The following ATP13A2 variants were observed in gnomAD, a reference collection of about 807,000 sequenced individuals.
ATP13A2 encodes ATPase cation transporting 13A2, also known as polyamine-transporting ATPase 13A2.
Under a neutral mutation model 138.3 loss-of-function variants are expected in ATP13A2, and 83 were observed. The observed-to-expected ratio is 0.60, with a 90% confidence interval of 0.50 to 0.72. The LOEUF is 0.72. Ranked by LOEUF, ATP13A2 falls within the 30% of genes least tolerant of loss-of-function variation. The pLI, the probability that ATP13A2 is intolerant of heterozygous loss-of-function variation, is 0.00. For missense variants in ATP13A2, 1,402 were observed against 1,606.4 expected (o/e 0.87, Z 2.17); for synonymous variants, 663 against 699.0 (o/e 0.95, Z 0.81).
intron 11 of ATP13A2, among the ~76,000 whole-genome samples, chr1:16,999,380 CAAAAAA>C (rs67969184): frequency 3.9e-4 from 22 of 56,158 alleles, no homozygotes; most frequent in Middle Eastern, 0.016. Flanking sequence ...AACTCCATCT[CAAAAAA>C]AAAAAAAAAA....
At position 16,995,438 on chromosome 1, in the gene ATP13A2, G is replaced by T; in HGVS notation, c.1542+538C>A. On this transcript the variant is annotated intron_variant, in intron 15 of 28. Coordinates refer to ENST00000326735, the MANE Select transcript of ATP13A2 (RefSeq NM_022089.4). This position sits in a 1 kb window ranked among gnomAD's most constrained non-coding sequence, Gnocchi z 4.1. ...GCCCCAAGGGTTGGGAGCAGCACGG[G>T]ATGCACACTAGGGCCCCAGGTCCCC... 3.9e-6 allele frequency: 1 copy of T among 259,276 alleles called. No individual in the cohort carries two copies. The highest frequency in any genetic ancestry group is 7.6e-6 in the Non-Finnish European group (1 of 132,324). 16.1% of individuals were successfully genotyped at this position (259,276 alleles called of 1,614,324 possible).
chr1:16,989,442 C>T (rs2076845632), intron 23 of ATP13A2, among the ~76,000 whole-genome samples: 1 of 152,194 alleles, frequency 6.6e-6, no homozygotes, highest in South Asian at 2.1e-4. Flanking sequence ...AACTCCTGGG[C>T]TCAAGTGATC....
At position 16,986,456 on chromosome 1, in the gene ATP13A2, G is replaced by A. The variant is rs758763354; in HGVS notation, c.3405+7C>T. ...CTCCCGCTGCTGAGACCCAGGGCGG[G>A]CCCCACCTCCAGCATGAAGGCCCCC... is the stretch of plus-strand genomic sequence containing the variant. On this transcript the variant is annotated splice_region_variant and intron_variant, in intron 28 of 28. Transcript: ENST00000326735. The surrounding 1 kb of genome is among the most constrained non-coding windows in gnomAD (Gnocchi z 6.9). The A allele has an allele frequency of 6.2e-7, 1 of 1,611,546 alleles. No individual in the cohort carries two copies. Among genetic ancestry groups the A allele is most frequent in the South Asian group, 1.1e-5 (1 of 91,082 alleles).
Position 17,011,679 on chromosome 1 carries a change from C to A in ATP13A2, c.10+50G>T. 2.0e-6 allele frequency: 3 copies of A among 1,477,884 alleles called. No individual in the cohort carries two copies. The highest frequency in any genetic ancestry group is 1.3e-5 in the South Asian group (1 of 78,086). 91.5% of individuals were successfully genotyped at this position (1,477,884 alleles called of 1,614,324 possible). A position where few individuals can be genotyped will look rare whatever the true frequency, so the allele number is the denominator to read the frequency against. ...CCCTCCAAGGGGTGACGACAACTGG[C>A]GGGCCGGGGACCGCGCCGGGCTCGG... On this transcript the variant is annotated intron_variant, in intron 1 of 28. Coordinates refer to ENST00000326735, the MANE Select transcript of ATP13A2 (RefSeq NM_022089.4). The surrounding 1 kb of genome is among the most constrained non-coding windows in gnomAD (Gnocchi z 7.3).
intron 25 of ATP13A2, 97 bp downstream of exon 25, chr1:16,988,041 G>A (rs932627118): frequency 2.5e-4 from 280 of 1,122,424 alleles, no homozygotes; most frequent in Non-Finnish European, 3.7e-4. Context: ...CTGGGCCCAC[G>A]TCATCTATTC....
intron 23 of ATP13A2, among the ~76,000 whole-genome samples, 156 bp from the exon 24 acceptor site, chr1:16,988,630 CATTATT>C (rs1223617661): frequency 2.6e-5 from 4 of 150,948 alleles, no homozygotes; most frequent in South Asian, 2.1e-4. Context: ...TTATTATTAT[CATTATT>C]ATTATTATTT....
Position 16,989,762 on chromosome 1 carries a change from G to A in ATP13A2, c.2538C>T (p.Val846=), listed in dbSNP as rs1365858933. 1 of 1,614,056 alleles carries A rather than the reference G, an allele frequency of 6.2e-7. No homozygotes were observed. Among genetic ancestry groups the A allele is most frequent in the Non-Finnish European group, 8.5e-7 (1 of 1,180,032 alleles). ...CCATGCGGGCAAAGACAGTGCCCTGGACCAGGACCTGGGAGCACAGGGAGA... is the reference window on the plus strand; with the variant it reads ...CCATGCGGGCAAAGACAGTGCCCTGAACCAGGACCTGGGAGCACAGGGAGA... The part of the protein sequence containing the change: ...HFPKLLPKVL[V]QGTVFARMAP... Residue 846 remains valine (V), a synonymous_variant, in exon 23 of 29, where the codon GTC becomes GTT. Coordinates refer to ENST00000326735, the MANE Select transcript of ATP13A2 (RefSeq NM_022089.4).
intron 12 of ATP13A2, 40 bp from the exon 13 acceptor site, chr1:16,996,536 G>A: frequency 1.3e-6 from 2 of 1,549,408 alleles, no homozygotes; most frequent in Admixed American, 1.7e-5. Context: ...GGAAGCCAGG[G>A]TGAGGGCAGG....
rs1236275703 is a variant in ATP13A2 at position 16,997,113 on chromosome 1, T to C, written c.1102A>G (p.Thr368Ala). The C allele has an allele frequency of 1.4e-5, 22 of 1,613,638 alleles. No individual in the cohort carries two copies. Among genetic ancestry groups the C allele is most frequent in the Non-Finnish European group, 1.9e-5 (22 of 1,180,040 alleles). ...PEGLGPYCAE[T>A]HRRHTLFCGT... ...CAGAAGAGTGTGTGCCGCCGGTGTG[T>C]CTCTGCACAGTAGGGCCCCAGCCCC... is the stretch of plus-strand genomic sequence containing the variant. The change falls in exon 12 of 29, where the codon ACA becomes GCA. Residue 368 changes from threonine (T) to alanine (A), a missense_variant. Transcript: ENST00000326735.
chr1:16,986,431 C>G lies in ATP13A2; in HGVS notation c.3405+32G>C. 6.2e-7 allele frequency: 1 copy of G among 1,609,204 alleles called. No individual in the cohort carries two copies. Among genetic ancestry groups the G allele is most frequent in the Non-Finnish European group, 8.5e-7 (1 of 1,179,242 alleles). ...GTCAATGCACCCCCACCTCCCTTCT[C>G]TCCCGCTGCTGAGACCCAGGGCGGG... On this transcript the variant is annotated intron_variant, in intron 28 of 28. Transcript: ENST00000326735. The surrounding 1 kb of genome is among the most constrained non-coding windows in gnomAD (Gnocchi z 6.9).
At position 16,985,973 on chromosome 1, in the gene ATP13A2, T is replaced by A. The variant is rs1166534562; in HGVS notation, c.*248A>T. On this transcript the variant is annotated 3_prime_UTR_variant, in exon 29 of 29. Transcript: ENST00000326735. ...GCACAGCAGAGCCAGGAAAATATCA[T>A]GACTTTATTTGCTACACTGACAGCA... is the stretch of plus-strand genomic sequence containing the variant. The A allele has an allele frequency of 2.1e-6, 3 of 1,442,342 alleles. No homozygotes were observed. Among genetic ancestry groups the A allele is most frequent in the Admixed American group, 3.0e-5 (1 of 33,544 alleles). The allele number at this position is 1,442,342 out of a possible 1,614,324, so 89.3% of individuals were successfully genotyped here. A position where few individuals can be genotyped will look rare whatever the true frequency, so the allele number is the denominator to read the frequency against.
intron 8 of ATP13A2, 161 bp from the exon 9 acceptor site, chr1:17,000,695 T>A: frequency 2.2e-6 from 2 of 892,196 alleles, no homozygotes. Flanking sequence ...CAACCAGACA[T>A]CCCCAGGGCC....
rs1432026507 is a variant in ATP13A2, at chr1:17,005,547, C to T, written c.115G>A (p.Gly39Ser). ...ACCCTCCATGGACTGCCACAGTAGC[C>T]GCTGAGCCTCTGCGAACGCAGCGAG... The part of the protein sequence containing the change: ...SSSVSSVRLS[G>S]YCGSPWRVIG... Residue 39 changes from glycine (G) to serine (S), a missense_variant, in exon 3 of 29, where the codon GGC (glycine) becomes AGC (serine). By Grantham distance (56) the Gly-to-Ser change is moderately conservative. Coordinates refer to ENST00000326735, the MANE Select transcript of ATP13A2 (RefSeq NM_022089.4). The T allele has an allele frequency of 3.7e-6, 6 of 1,614,112 alleles. No individual in the cohort carries two copies. The highest frequency in any genetic ancestry group is 2.2e-5 in the South Asian group (2 of 91,092).
chr1:17,000,333 G>A, intron 9 of ATP13A2, 21 bp from the exon 10 acceptor site: 1 of 1,582,994 alleles, frequency 6.3e-7, no homozygotes, highest in Non-Finnish European at 8.6e-7. Flanking sequence ...GGGACAAGAG[G>A]GCCGTGAGTG....
Position 16,987,095 on chromosome 1 carries a change from C to T in ATP13A2, c.3034G>A (p.Val1012Met). The T allele has an allele frequency of 3.1e-6, 5 of 1,613,470 alleles. No homozygotes were observed. Among genetic ancestry groups the T allele is most frequent in the Non-Finnish European group, 4.2e-6 (5 of 1,179,966 alleles). ...LSSLLLQMVL[V>M]TGVQLGGYFL... is the part of the protein sequence containing the mutation. ...TAGCCCCCTAGCTGCACGCCGGTCA[C>T]CAGGACCATCTGCAGCAGCAGGCTG... The change falls in exon 26 of 29, where the codon GTG becomes ATG. Residue 1012 changes from valine to methionine, a missense_variant. Physicochemically the swap from Val to Met is conservative, Grantham distance 21. Transcript: ENST00000326735.
intron 1 of ATP13A2, among the ~76,000 whole-genome samples, chr1:17,006,487 G>C (rs1482275554): frequency 1.3e-5 from 2 of 152,124 alleles, no homozygotes; most frequent in Non-Finnish European, 2.9e-5. Flanking sequence ...CTGACCTCAA[G>C]TGATCTGCCC....
chr1:16,988,508 A>G, intron 23 of ATP13A2, 34 bp from the exon 24 acceptor site: 2 of 1,613,006 alleles, frequency 1.2e-6, no homozygotes, highest in Non-Finnish European at 8.5e-7. Context: ...TGGCCTGGGG[A>G]ATTACCCCAC....
chr1:16,997,003 A>C lies in ATP13A2; in HGVS notation c.1195+17T>G, dbSNP rs1269972327. ...TGAGCCCGGGATCTCTCTCAAGCCC[A>C]GCCTCCCGGCTCATACCTGTGCGGG... On this transcript the variant is annotated intron_variant, in intron 12 of 28. Transcript: ENST00000326735. The C allele has an allele frequency of 6.2e-7, 1 of 1,610,006 alleles. No homozygotes were observed. The highest frequency in any genetic ancestry group is 8.5e-7 in the Non-Finnish European group (1 of 1,179,202).
chr1:17,001,831 A>G (rs1236724218), intron 8 of ATP13A2, among the ~76,000 whole-genome samples: 2 of 152,180 alleles, frequency 1.3e-5, no homozygotes, highest in African/African-American at 4.8e-5. Flanking sequence ...TCTGTGACCC[A>G]AGCCTTGGGC....
Sources: gnomAD v4.1 joint callset for allele counts (sites outside exome capture counted in the v4.1 genomes callset) on GRCh38, gnomAD v4.1.1 for gene constraint, Gnocchi (gnomAD v3.1) non-coding constraint, MANE v1.5 for transcripts, NCBI Gene and HGNC (gene_info 2026-07-23, HGNC 2026-07-21) for gene names.